FANCA: variants seen among roughly 807,000 people sequenced by gnomAD.
FANCA encodes the protein FA complementation group A.
FANCA carries 236 observed loss-of-function variants against 194.3 expected under a neutral mutation model. The observed-to-expected ratio is 1.21, with a 90% CI of 1.09 to 1.35. FANCA has a LOEUF of 1.35. Ranked by LOEUF, FANCA falls within the 40% of genes most tolerant of loss-of-function variation. The pLI is 0.00. For missense variants in FANCA, 2,628 were observed against 1,813.9 expected (o/e 1.45, Z -8.15); for synonymous variants, 1,014 against 715.8 (o/e 1.42, Z -6.65).
intron 8 of FANCA, 24 bp from the exon 9 acceptor site, chr16:89,799,662 C>A (rs769494392): frequency 1.9e-5 from 30 of 1,596,218 alleles, no homozygotes; most frequent in Non-Finnish European, 2.5e-5. Flanking sequence ...ATGTGAGTTA[C>A]CATCTTGGTA....
At chr16:89,749,029 A>T (rs1164585247) in intron 32 of FANCA, among the ~76,000 whole-genome samples, 2 of 152,330 alleles carry the variant, frequency 1.3e-5, no homozygotes, top group African/African-American at 4.8e-5. Flanking sequence ...ACAACTTCTG[A>T]CAGTTACACG....
intron 32 of FANCA, among the ~76,000 whole-genome samples, chr16:89,749,528 G>A (rs2038507325): frequency 6.6e-6 from 1 of 152,194 alleles, no homozygotes; most frequent in South Asian, 2.1e-4. Context: ...CGCTTGGCTG[G>A]AAGGTTTTAA....
At chr16:89,813,400 CCTGT>C (rs1165394542) in intron 3 of FANCA, among the ~76,000 whole-genome samples, 2 of 135,366 alleles carry the variant, frequency 1.5e-5, no homozygotes, top group Non-Finnish European at 1.6e-5. Flanking sequence ...AGAGTGAGAC[CCTGT>C]CTGTTAAAAA....
At chr16:89,784,738 T>C (rs910716218) in intron 15 of FANCA, 116 bp downstream of exon 15, 5 of 822,220 alleles carry the variant, frequency 6.1e-6, no homozygotes, top group Admixed American at 5.1e-5. Flanking sequence ...GGGAAGGGCC[T>C]GGCTGAGAGG....
intron 31 of FANCA, among the ~76,000 whole-genome samples, chr16:89,750,290 G>A (rs552408771): frequency 7.3e-5 from 11 of 151,448 alleles, no homozygotes; most frequent in African/African-American, 2.7e-4. Flanking sequence ...GACCATCCTG[G>A]CTAACATGGT....
intron 30 of FANCA, among the ~76,000 whole-genome samples, chr16:89,753,522 C>T (rs1408889155): frequency 6.6e-6 from 1 of 152,182 alleles, no homozygotes; most frequent in East Asian, 1.9e-4. Flanking sequence ...AAAGCAAAAA[C>T]CGTAAGATTA....
chr16:89,752,158 C>T lies in FANCA; in HGVS notation c.3046G>A (p.Asp1016Asn), dbSNP rs2038616997. The part of the protein sequence containing the change: ...LVFGGRTGNE[D>N]IISRLQEMVA... ...CTCACCTGCAATCTGGAAATAATAT[C>T]CTCATTTCCTGTGCGGCCACCAAAG... Residue 1016 changes from aspartate to asparagine, a missense_variant, in exon 31 of 43, where the codon GAT becomes AAT. By Grantham distance (23) the Asp-to-Asn change is conservative. Transcript: ENST00000389301. 2.5e-6 allele frequency: 4 copies of T among 1,614,004 alleles called. No individual in the cohort carries two copies. The highest frequency in any genetic ancestry group is 2.2e-5 in the East Asian group (1 of 44,886).
At chr16:89,738,753 C>T (rs768269080) in intron 42 of FANCA, 45 bp from the exon 43 acceptor site, 2 of 1,612,638 alleles carry the variant, frequency 1.2e-6, no homozygotes, top group Non-Finnish European at 1.7e-6. Flanking sequence ...CCCACTAGGC[C>T]TCAGACCACA....
intron 18 of FANCA, among the ~76,000 whole-genome samples, chr16:89,779,358 A>C (rs1224795081): frequency 1.3e-5 from 2 of 152,134 alleles, no homozygotes; most frequent in Middle Eastern, 3.2e-3. Context: ...ATGTGTAACC[A>C]CCAGAATTCA....
At chr16:89,777,453 T>C (rs890762057) in intron 20 of FANCA, among the ~76,000 whole-genome samples, 3 of 151,810 alleles carry the variant, frequency 2.0e-5, no homozygotes, top group African/African-American at 7.3e-5. Context: ...TTGCAGAGCA[T>C]GGTGGCTCAC....
In FANCA at chr16:89,792,091, C is replaced by T. The variant is rs777567599; in HGVS notation, c.1084-23G>A. Reference sequence around the variant, plus strand: ...GAGCTGAAATAAAAGCATCCGCTCCCTTCAATATCCAAGCAAACCAATGTG... The same window carrying T: ...GAGCTGAAATAAAAGCATCCGCTCCTTTCAATATCCAAGCAAACCAATGTG... On this transcript the variant is annotated intron_variant, in intron 12 of 42. Transcript: ENST00000389301. 2.5e-6 allele frequency: 4 copies of T among 1,614,134 alleles called. No homozygotes were observed. In the South Asian group the frequency reaches 4.4e-5, roughly 18 times the overall value.
chr16:89,761,106 A>G (rs1334732985), intron 29 of FANCA, among the ~76,000 whole-genome samples: 44 of 152,206 alleles, frequency 2.9e-4, no homozygotes, highest in Admixed American at 2.8e-3. Flanking sequence ...TGTTTCTTAA[A>G]TAAAGGAATA....
chr16:89,788,755 A>C (rs1297998828), intron 14 of FANCA, among the ~76,000 whole-genome samples: 2 of 151,796 alleles, frequency 1.3e-5, no homozygotes, highest in African/African-American at 4.8e-5. Flanking sequence ...AGCTATGATC[A>C]TGCCACTGCA....
At chr16:89,743,849 C>G (rs2143074246) in intron 36 of FANCA, among the ~76,000 whole-genome samples, 1 of 152,252 alleles carries the variant, frequency 6.6e-6, no homozygotes, top group Non-Finnish European at 1.5e-5. Flanking sequence ...AAAAACAAAA[C>G]TTCAGACAAT....
intron 14 of FANCA, among the ~76,000 whole-genome samples, chr16:89,785,727 C>A (rs973115023): frequency 1.3e-5 from 2 of 152,162 alleles, no homozygotes; most frequent in Non-Finnish European, 2.9e-5. Context: ...CTCCTGCCAC[C>A]CTAGCCCCAC....
intron 14 of FANCA, among the ~76,000 whole-genome samples, chr16:89,789,125 C>T (rs898157539): frequency 1.3e-5 from 2 of 152,034 alleles, no homozygotes; most frequent in African/African-American, 2.4e-5. Context: ...AACACCTCTC[C>T]TCTTAGTTTA....
chr16:89,795,371 G>T (rs1181133779), intron 11 of FANCA, among the ~76,000 whole-genome samples: 1 of 151,982 alleles, frequency 6.6e-6, no homozygotes, highest in African/African-American at 2.4e-5. Context: ...GCTCACACCT[G>T]TAATCCCAAC....
At chr16:89,789,314 GAGCA>G (rs1413833497) in intron 14 of FANCA, among the ~76,000 whole-genome samples, 9 of 151,480 alleles carry the variant, frequency 5.9e-5, no homozygotes, top group African/African-American at 2.2e-4. Context: ...CCTGGGGGGG[GAGCA>G]GGCACCGCAG....
intron 6 of FANCA, among the ~76,000 whole-genome samples, chr16:89,808,067 A>C (rs1598183701): frequency 5.2e-5 from 1 of 19,094 alleles, no homozygotes; most frequent in East Asian, 5.3e-3. Context: ...CAAAAAAAAA[A>C]CAGACAAAAA....
Sources: gnomAD v4.1 joint callset for allele counts (sites outside exome capture counted in the v4.1 genomes callset) on GRCh38, gnomAD v4.1.1 for gene constraint, MANE v1.5 for transcripts, NCBI Gene and HGNC (gene_info 2026-07-23, HGNC 2026-07-21) for gene names.